PRKG1: variants seen among roughly 807,000 people sequenced by gnomAD.
PRKG1 encodes the protein cGMP-dependent protein kinase 1.
In PRKG1, 35 loss-of-function variants were observed where a neutral mutation model predicts 88.1. The observed-to-expected ratio is 0.40, with a 90% CI of 0.30 to 0.53. The LOEUF is 0.53. Among genes scored for constraint, PRKG1 ranks in the 20% least tolerant of loss-of-function variants. PRKG1 has a pLI of 0.59. For missense variants in PRKG1, 540 were observed against 839.8 expected, an observed-to-expected ratio of 0.64 and a Z score of 4.41; for synonymous variants, 303 against 292.5, an observed-to-expected ratio of 1.04 and a Z score of -0.37.
intron 3 of PRKG1, among the ~76,000 whole-genome samples, chr10:51,712,124 A>G (rs1290816992): frequency 6.6e-6 from 1 of 152,226 alleles, no homozygotes; most frequent in Non-Finnish European, 1.5e-5. Flanking sequence ...TTTGATGAAG[A>G]TTGGATAGTC....
chr10:51,871,896 A>G (rs1841168420), intron 4 of PRKG1, among the ~76,000 whole-genome samples: 2 of 152,198 alleles, frequency 1.3e-5, no homozygotes, highest in Non-Finnish European at 2.9e-5. Flanking sequence ...TGTGCTTGAA[A>G]GAGTAAAACA....
intron 2 of PRKG1, among the ~76,000 whole-genome samples, chr10:51,444,596 T>C (rs947133159): frequency 1.3e-4 from 19 of 151,908 alleles, no homozygotes; most frequent in African/African-American, 4.3e-4. Context: ...AAAGGCAGCA[T>C]CTTGAATACT....
At chr10:51,901,605 T>C (rs1841980346) in intron 4 of PRKG1, among the ~76,000 whole-genome samples, 1 of 152,214 alleles carries the variant, frequency 6.6e-6, no homozygotes, top group South Asian at 2.1e-4. Flanking sequence ...CTTGACTGAT[T>C]TTCAGTTTTA....
At chr10:52,005,347 G>A (rs1189712191) in intron 5 of PRKG1, among the ~76,000 whole-genome samples, 1 of 147,032 alleles carries the variant, frequency 6.8e-6, no homozygotes, top group Non-Finnish European at 1.5e-5. Flanking sequence ...GCCCACCTCA[G>A]CTTCCCAAAG....
intron 1 of PRKG1, among the ~76,000 whole-genome samples, chr10:50,994,558 G>C (rs778001744): frequency 6.6e-6 from 1 of 151,826 alleles, no homozygotes; most frequent in African/African-American, 2.4e-5. Flanking sequence ...CCTGTTTTTT[G>C]TAAAAGGCTG....
At chr10:51,088,623 T>C (rs1170933927) in intron 1 of PRKG1, among the ~76,000 whole-genome samples, 4 of 152,072 alleles carry the variant, frequency 2.6e-5, no homozygotes, top group Non-Finnish European at 5.9e-5. Context: ...TTTGGGTTTG[T>C]GGTGCCGTGT....
intron 3 of PRKG1, among the ~76,000 whole-genome samples, chr10:51,767,745 T>G (rs895685683): frequency 1.3e-5 from 2 of 152,208 alleles, no homozygotes; most frequent in African/African-American, 4.8e-5. Flanking sequence ...TTCTGTTTTA[T>G]CTTCCTTCAT....
chr10:52,204,996 C>T (rs1413809998), intron 9 of PRKG1, among the ~76,000 whole-genome samples: 1 of 151,962 alleles, frequency 6.6e-6, no homozygotes, highest in African/African-American at 2.4e-5. Context: ...GAATGCATTC[C>T]CAGGGCAGGG....
intron 7 of PRKG1, among the ~76,000 whole-genome samples, chr10:52,078,700 A>G (rs945653575): frequency 6.6e-6 from 1 of 152,236 alleles, no homozygotes; most frequent in African/African-American, 2.4e-5. Context: ...CAACAATTTC[A>G]TTAATTTTCC....
intron 1 of PRKG1, among the ~76,000 whole-genome samples, chr10:51,116,465 A>C (rs1845125459): frequency 6.6e-6 from 1 of 152,180 alleles, no homozygotes; most frequent in Non-Finnish European, 1.5e-5. Flanking sequence ...CATTCCAGTA[A>C]ATTTGGGATG....
At chr10:51,218,196 T>C (rs561903099) in intron 2 of PRKG1, among the ~76,000 whole-genome samples, 1 of 152,230 alleles carries the variant, frequency 6.6e-6, no homozygotes, top group East Asian at 1.9e-4. Context: ...TTTTTAAACA[T>C]TGCATTGGAG....
intron 1 of PRKG1, among the ~76,000 whole-genome samples, chr10:51,034,969 T>C (rs1053431991): frequency 3.3e-5 from 5 of 151,988 alleles, no homozygotes; most frequent in African/African-American, 1.2e-4. Flanking sequence ...CTCAGGCTAT[T>C]GCCCTCAATC....
At chr10:51,889,203 TC>T (rs1194306503) in intron 4 of PRKG1, among the ~76,000 whole-genome samples, 3 of 90,632 alleles carry the variant, frequency 3.3e-5, no homozygotes, top group Admixed American at 1.4e-4. Flanking sequence ...ATTCTATCCC[TC>T]CCCCCTCCCC....
At chr10:51,903,670 A>C (rs1353610667) in intron 4 of PRKG1, among the ~76,000 whole-genome samples, 1 of 152,186 alleles carries the variant, frequency 6.6e-6, no homozygotes, top group Non-Finnish European at 1.5e-5. Flanking sequence ...TTTGGAAATA[A>C]ATGAAGTCAC....
intron 1 of PRKG1, among the ~76,000 whole-genome samples, chr10:51,089,308 G>A (rs961296346): frequency 6.6e-5 from 10 of 152,106 alleles, no homozygotes; most frequent in Admixed American, 2.0e-4. Context: ...GGAAATAGAA[G>A]ATAATCTTTT....
intron 14 of PRKG1, among the ~76,000 whole-genome samples, chr10:52,288,266 G>A (rs1384050051): frequency 6.6e-6 from 1 of 152,068 alleles, no homozygotes; most frequent in African/African-American, 2.4e-5. Flanking sequence ...GAAAGTGCTC[G>A]GCATTTCAGT....
At chr10:51,721,425 G>A (rs1842011280) in intron 3 of PRKG1, among the ~76,000 whole-genome samples, 2 of 152,128 alleles carry the variant, frequency 1.3e-5, no homozygotes, top group African/African-American at 4.8e-5. Flanking sequence ...GTAGATTTTG[G>A]AGAATGTTCC....
chr10:51,301,051 A>G (rs1426564636), intron 2 of PRKG1, among the ~76,000 whole-genome samples: 1 of 152,160 alleles, frequency 6.6e-6, no homozygotes, highest in African/African-American at 2.4e-5. Flanking sequence ...GTTAACTCTC[A>G]TGTCGGTGAC....
At chr10:51,554,669 C>T (rs967866320) in intron 3 of PRKG1, among the ~76,000 whole-genome samples, 4 of 141,884 alleles carry the variant, frequency 2.8e-5, no homozygotes, top group Admixed American at 2.2e-4. Flanking sequence ...GTTTCTCCCT[C>T]TATTAGACTA....
Sources: gnomAD v4.1 joint callset for allele counts (sites outside exome capture counted in the v4.1 genomes callset) on GRCh38, gnomAD v4.1.1 for gene constraint, MANE v1.5 for transcripts, NCBI Gene and HGNC (gene_info 2026-07-23, HGNC 2026-07-21) for gene names.